Variants in LHPP observed in about 807,000 individuals in gnomAD.
The protein encoded by LHPP is hLHPP.
LHPP carries 24 observed loss-of-function variants against 30.3 expected under a neutral mutation model. That is an observed-to-expected ratio of 0.79 (90% CI 0.57 to 1.11). The LOEUF (loss-of-function observed/expected upper bound fraction) is 1.11, where lower values mean the gene tolerates loss of function less well. Among genes scored for constraint, LHPP ranks in the 50% most tolerant of loss-of-function variants. The pLI is 0.00. For missense variants in LHPP, 356 were observed against 367.2 expected (o/e 0.97, Z 0.25); for synonymous variants, 150 against 157.1 (o/e 0.95, Z 0.34).
intron 5 of LHPP, among the ~76,000 whole-genome samples, chr10:124,505,831 A>G (rs1043820022): frequency 3.9e-5 from 6 of 152,188 alleles, no homozygotes; most frequent in African/African-American, 1.2e-4. Context: ...CAGAGCACTT[A>G]GTTATATGTG....
intron 6 of LHPP, among the ~76,000 whole-genome samples, chr10:124,546,858 A>C (rs1955361062): frequency 6.6e-6 from 1 of 152,148 alleles, no homozygotes; most frequent in African/African-American, 2.4e-5. Context: ...TTTTAGATAC[A>C]AAAATAGTAC....
rs1263363180 is a variant in LHPP at position 124,484,200 on chromosome 10, G to A, written c.187G>A (p.Glu63Lys). The change falls in exon 2 of 7, where the codon GAG becomes AAG. Residue 63 changes from glutamate (E) to lysine (K), a missense_variant. Glu to Lys is a moderately conservative substitution (Grantham distance 56, BLOSUM62 1). Transcript: ENST00000368842. ...CAACGAGTCGCAGAAGTCCCGGGCA[G>A]AGCTGGTGGGGCAGCTTCAGAGGCT... The part of the protein sequence containing the change: ...CTNESQKSRA[E>K]LVGQLQRLGF... 6.2e-7 allele frequency: 1 copy of A among 1,614,146 alleles called. No homozygotes were observed. Among genetic ancestry groups the A allele is most frequent in the Non-Finnish European group, 8.5e-7 (1 of 1,180,032 alleles).
At chr10:124,550,091 C>T (rs939742844) in intron 6 of LHPP, among the ~76,000 whole-genome samples, 4 of 152,322 alleles carry the variant, frequency 2.6e-5, no homozygotes, top group African/African-American at 7.2e-5. Flanking sequence ...TAAGGGCCTC[C>T]GAGCCAGGCT....
chr10:124,468,449 C>G (rs905978897), intron 1 of LHPP, among the ~76,000 whole-genome samples: 2 of 152,196 alleles, frequency 1.3e-5, no homozygotes, highest in Non-Finnish European at 2.9e-5. Flanking sequence ...ACATCACACC[C>G]GTGATATGGG....
rs1282263570 is a variant in LHPP, at chr10:124,576,499, A to G, written c.717-36765A>G. On this transcript the variant is annotated intron_variant, in intron 6 of 6. Transcript: ENST00000368842. The surrounding 1 kb of genome is among the most constrained non-coding windows in gnomAD (Gnocchi z 4.2). ...ATATCTTGCTCCCACTCCCTACCAT[A>G]TGCTGTTCCCAGACCCCCCTCCATG... 6.8e-6 allele frequency among the ~76,000 whole-genome samples: 1 copy of G among 147,036 alleles called. No homozygotes were observed. The highest frequency in any genetic ancestry group is 1.5e-5 in the Non-Finnish European group (1 of 66,790).
chr10:124,543,830 A>G (rs1282631002), intron 6 of LHPP, among the ~76,000 whole-genome samples: 1 of 152,230 alleles, frequency 6.6e-6, no homozygotes, highest in African/African-American at 2.4e-5. Flanking sequence ...GAAAATACAG[A>G]AAATCACAAA....
intron 6 of LHPP, among the ~76,000 whole-genome samples, chr10:124,578,011 C>A (rs906860066): frequency 1.5e-4 from 23 of 152,182 alleles, no homozygotes; most frequent in Non-Finnish European, 2.4e-4. Context: ...GGAAGGACCT[C>A]TTCCTCTATG....
At chr10:124,513,170 C>T (rs997522842) in intron 5 of LHPP, among the ~76,000 whole-genome samples, 5 of 152,234 alleles carry the variant, frequency 3.3e-5, no homozygotes, top group African/African-American at 1.2e-4. Flanking sequence ...GGCTCATTCT[C>T]CTGCCTCAGC....
At chr10:124,470,681 C>CAACAACAACAAT (rs1554877242) in intron 1 of LHPP, among the ~76,000 whole-genome samples, 55 of 150,886 alleles carry the variant, frequency 3.6e-4, no homozygotes, top group African/African-American at 1.3e-3. Context: ...ACAACAACAA[C>CAACAACAACAAT]AATAATAATA....
intron 6 of LHPP, among the ~76,000 whole-genome samples, chr10:124,608,344 C>G (rs1207046336): frequency 2.1e-5 from 3 of 144,204 alleles, no homozygotes; most frequent in African/African-American, 7.3e-5. Flanking sequence ...CTGGCCAGCC[C>G]AGCCCCAGCC....
At chr10:124,482,157 T>C (rs1216903999) in intron 1 of LHPP, among the ~76,000 whole-genome samples, 1 of 152,258 alleles carries the variant, frequency 6.6e-6, no homozygotes, top group Non-Finnish European at 1.5e-5. Context: ...GAAGTTGATT[T>C]CAAGCCGTAG....
intron 6 of LHPP, among the ~76,000 whole-genome samples, chr10:124,571,289 G>A (rs1473775009): frequency 6.6e-6 from 1 of 152,226 alleles, no homozygotes; most frequent in East Asian, 1.9e-4. Flanking sequence ...ATAGGTTTTT[G>A]TGTGGACACG....
intron 1 of LHPP, among the ~76,000 whole-genome samples, chr10:124,482,812 CCTGTTTATATT>C (rs1269244493): frequency 2.0e-5 from 3 of 152,170 alleles, no homozygotes; most frequent in African/African-American, 4.8e-5. Context: ...GTCTGCTCAC[CCTGTTTATATT>C]CTGCATAGCG....
chr10:124,506,049 G>T (rs1281783339), intron 5 of LHPP, among the ~76,000 whole-genome samples: 1 of 152,078 alleles, frequency 6.6e-6, no homozygotes, highest in African/African-American at 2.4e-5. Flanking sequence ...TTCGAGACCA[G>T]CCTGGGTAAC....
chr10:124,553,673 A>G (rs894290052), intron 6 of LHPP, among the ~76,000 whole-genome samples: 1 of 151,916 alleles, frequency 6.6e-6, no homozygotes, highest in Non-Finnish European at 1.5e-5. Context: ...GTTAGCCAGG[A>G]TGGTCTCGAT....
At chr10:124,595,767 C>T (rs34496154) in intron 6 of LHPP, among the ~76,000 whole-genome samples, 33,847 of 152,154 alleles carry the variant, frequency 0.22, 4,280 homozygotes, top group Admixed American at 0.27. Context: ...GTGTGCCCTT[C>T]TAGGCTATCT....
chr10:124,505,484 G>A (rs1297412546), intron 5 of LHPP, among the ~76,000 whole-genome samples: 3 of 152,098 alleles, frequency 2.0e-5, no homozygotes, highest in Admixed American at 1.3e-4. Context: ...ACTCAGAATA[G>A]ATATAACTCC....
chr10:124,588,482 C>T (rs1020073476), intron 6 of LHPP, among the ~76,000 whole-genome samples: 3 of 152,114 alleles, frequency 2.0e-5, no homozygotes, highest in South Asian at 4.1e-4. Context: ...TGGAATTTCG[C>T]CATGTTGACC....
At chr10:124,554,633 C>T (rs1402064841) in intron 6 of LHPP, among the ~76,000 whole-genome samples, 2 of 152,252 alleles carry the variant, frequency 1.3e-5, no homozygotes, top group Non-Finnish European at 2.9e-5. Context: ...CAGCCCTAGA[C>T]GAGCTGAAGG....
Sources: gnomAD v4.1 joint callset for allele counts (sites outside exome capture counted in the v4.1 genomes callset) on GRCh38, gnomAD v4.1.1 for gene constraint, Gnocchi (gnomAD v3.1) non-coding constraint, MANE v1.5 for transcripts, NCBI Gene and HGNC (gene_info 2026-07-23, HGNC 2026-07-21) for gene names.